The following MROH7 variants were observed in gnomAD, a reference collection of about 807,000 sequenced individuals.
MROH7 encodes maestro heat-like repeat-containing protein family member 7.
Under a neutral mutation model 129.2 loss-of-function variants are expected in MROH7, and 113 were observed. That is an observed-to-expected ratio of 0.87 (90% CI 0.75 to 1.02). The LOEUF is 1.02. Ranked by LOEUF, MROH7 falls within the 50% of genes least tolerant of loss-of-function variation. The pLI is 0.00. For synonymous variants in MROH7, 655 were observed against 667.9 expected (o/e 0.98, Z 0.30); for missense variants, 1,601 against 1,671.3 (o/e 0.96, Z 0.73).
intron 8 of MROH7, 119 bp from the exon 9 acceptor site, chr1:54,673,582 T>C: frequency 2.8e-6 from 2 of 723,958 alleles, no homozygotes; most frequent in South Asian, 3.3e-5. Flanking sequence ...AGGAGGGCTG[T>C]GGTGACCTTT....
At chr1:54,645,390 C>T (rs776123657) in intron 1 of MROH7, among the ~76,000 whole-genome samples, 4 of 151,922 alleles carry the variant, frequency 2.6e-5, no homozygotes, top group Non-Finnish European at 4.4e-5. Flanking sequence ...AGTGATTCTC[C>T]TGCCCAAGCC....
At position 54,678,814 on chromosome 1, in the gene MROH7, AC is replaced by A; in HGVS notation, c.2012del (p.Pro671LeufsTer2). 6.2e-7 allele frequency: 1 copy of A among 1,613,924 alleles called. No homozygotes were observed. The highest frequency in any genetic ancestry group is 8.5e-7 in the Non-Finnish European group (1 of 1,179,952). On this transcript the variant is annotated frameshift_variant, in exon 11 of 24. Coordinates refer to ENST00000421030, the MANE Select transcript of MROH7 (RefSeq NM_001039464.4). LOFTEE classifies it high-confidence loss of function. The part of the protein sequence containing the change: ...ESNKHFLGPY[N>X]PVSPCQNILR... ...AACAAGCATTTCCTGGGGCCCTACA[AC>A]CCTGTGAGCCCGTGCCAGAACATTC...
chr1:54,673,092 C>A lies in MROH7; in HGVS notation c.1601C>A (p.Ala534Asp). 1 of 1,612,580 alleles carries A rather than the reference C, an allele frequency of 6.2e-7. No homozygotes were observed. The highest frequency in any genetic ancestry group is 8.5e-7 in the Non-Finnish European group (1 of 1,178,710). The change falls in exon 8 of 24, where the codon GCT becomes GAT. Residue 534 changes from alanine to aspartate, a missense_variant and splice_region_variant. Physicochemically the swap from Ala to Asp is moderately radical, Grantham distance 126. Transcript: ENST00000421030. ...GCTTGGTCCTCCTCCCATCCACAGG[C>A]TCTTTACCATCAGACCCTGGAGGCC... The part of the protein sequence containing the change: ...KDEAKAETIQ[A>D]LYHQTLEALQ...
chr1:54,699,159 T>TTTCTTTTCTTTCTTTCTTTC (rs71048705), intron 17 of MROH7: 221 of 65,844 alleles, frequency 3.4e-3, no homozygotes, highest in African/African-American at 5.1e-3. Context: ...TCTTTCTTTC[T>TTTCTTTTCTTTCTTTCTTTC]TTTCTTTCTT....
chr1:54,706,953 T>C (rs1325437782), intron 22 of MROH7, among the ~76,000 whole-genome samples: 1 of 152,170 alleles, frequency 6.6e-6, no homozygotes, highest in African/African-American at 2.4e-5. Context: ...CTAACTGGAT[T>C]ATTTACTCCC....
intron 13 of MROH7, among the ~76,000 whole-genome samples, chr1:54,681,814 T>G (rs1645073093): frequency 6.6e-6 from 1 of 152,206 alleles, no homozygotes; most frequent in Non-Finnish European, 1.5e-5. Context: ...GCCTCCACTC[T>G]TGCTCCTTGG....
Position 54,653,997 on chromosome 1 carries a change from G to T in MROH7, c.1071G>T (p.Gln357His). ...CCACCTTGACGCTGAGCAGTCAGCA[G>T]GATGATGCCAAGGACAACAGCATCC... Reference protein sequence around the residue: ...DTSTLTLSSQQDDAKDNSIHT... With the variant: ...DTSTLTLSSQHDDAKDNSIHT... Residue 357 changes from glutamine to histidine, a missense_variant, in exon 3 of 24, where the codon CAG becomes CAT. Coordinates refer to ENST00000421030, the MANE Select transcript of MROH7 (RefSeq NM_001039464.4). 1 of 1,614,238 alleles carries T rather than the reference G, an allele frequency of 6.2e-7. No individual in the cohort carries two copies. The highest frequency in any genetic ancestry group is 8.5e-7 in the Non-Finnish European group (1 of 1,180,042).
In MROH7 at chr1:54,687,872, C is replaced by CT. The variant is rs35990412; in HGVS notation, c.2711+1438dup. Among the ~76,000 whole-genome samples the CT allele has an allele frequency of 3.7e-3, 487 of 130,198 alleles. 1 individual carries two copies. Among genetic ancestry groups the CT allele is most frequent in the African/African-American group, 7.5e-3 (271 of 36,276 alleles). 85.4% of individuals were successfully genotyped at this position (130,198 alleles called of 152,430 possible). A position where few individuals can be genotyped will look rare whatever the true frequency, so the allele number is the denominator to read the frequency against. Reference sequence around the variant, plus strand: ...GACATTGAGTTTGCTTTTTTTCTTTCTTTTTTTTTTTTTTGAGACAGGGTC... The same window carrying CT: ...GACATTGAGTTTGCTTTTTTTCTTTCTTTTTTTTTTTTTTTGAGACAGGGTC... On this transcript the variant is annotated intron_variant, in intron 15 of 23. Coordinates refer to ENST00000421030, the MANE Select transcript of MROH7 (RefSeq NM_001039464.4).
At chr1:54,684,055 A>G (rs879063) in intron 14 of MROH7, among the ~76,000 whole-genome samples, 25,406 of 152,232 alleles carry the variant, frequency 0.17, 2,337 homozygotes, top group East Asian at 0.29. Flanking sequence ...GGCGCATAGT[A>G]AGCACTCAGA....
At position 54,673,574 on chromosome 1, in the gene MROH7, G is replaced by A. The variant is rs1644935252; in HGVS notation, c.1696-127G>A. 4 of 697,434 alleles carry A rather than the reference G, an allele frequency of 5.7e-6. No homozygotes were observed. In the Admixed American group the frequency reaches 9.3e-5, roughly 16 times the overall value. The allele number at this position is 697,434 out of a possible 1,614,324, so 43.2% of individuals were successfully genotyped here. A position where few individuals can be genotyped will look rare whatever the true frequency, so the allele number is the denominator to read the frequency against. ...TCTGCCTATACCCCAAGAAGAGGAGGAGGGCTGTGGTGACCTTTATACCCT... is the reference window on the plus strand; with the variant it reads ...TCTGCCTATACCCCAAGAAGAGGAGAAGGGCTGTGGTGACCTTTATACCCT... On this transcript the variant is annotated intron_variant, in intron 8 of 23. Transcript: ENST00000421030.
chr1:54,651,086 C>G (rs1364946951), intron 1 of MROH7, among the ~76,000 whole-genome samples: 5 of 152,152 alleles, frequency 3.3e-5, no homozygotes, highest in Non-Finnish European at 7.3e-5. Flanking sequence ...CCTGGCCCTT[C>G]CCCCACCACC....
chr1:54,686,139 C>A, intron 14 of MROH7, 119 bp from the exon 15 acceptor site: 2 of 856,752 alleles, frequency 2.3e-6, no homozygotes, highest in South Asian at 2.1e-5. Flanking sequence ...CTTCCCCAGG[C>A]TGGGCCAGAG....
chr1:54,670,711 C>T, intron 6 of MROH7, 89 bp from the exon 7 acceptor site: 1 of 1,538,148 alleles, frequency 6.5e-7, no homozygotes, highest in Non-Finnish European at 8.8e-7. Context: ...CTCCCCTTGC[C>T]CAGTCCCTGT....
chr1:54,700,587 A>G, intron 18 of MROH7, 126 bp downstream of exon 18: 1 of 889,980 alleles, frequency 1.1e-6, no homozygotes, highest in African/African-American at 1.7e-5. Flanking sequence ...TCTTAGCCTC[A>G]GTTGTCCCAT....
chr1:54,690,483 G>A (rs950403665), intron 15 of MROH7, among the ~76,000 whole-genome samples: 14 of 146,334 alleles, frequency 9.6e-5, no homozygotes, highest in South Asian at 4.3e-4. Context: ...TCTCACTGTC[G>A]CCCAGGCTAG....
At chr1:54,709,509 C>T (rs540294036) in intron 23 of MROH7, among the ~76,000 whole-genome samples, 11 of 152,256 alleles carry the variant, frequency 7.2e-5, no homozygotes, top group African/African-American at 1.9e-4. Context: ...TGAGCCACTG[C>T]GCCTGGCCAA....
Position 54,671,205 on chromosome 1 carries a change from G to A in MROH7, c.1599+276G>A, listed in dbSNP as rs575805335. Among the ~76,000 whole-genome samples, 3 of 151,904 alleles carry A rather than the reference G, an allele frequency of 2.0e-5. No homozygotes were observed. In the East Asian group the frequency reaches 5.9e-4, roughly 30 times the overall value. ...GACTGAGACCATCCTGGCTAACACG[G>A]TGAATCCCCGTCTCTACTGAAAATA... On this transcript the variant is annotated intron_variant, in intron 7 of 23. Coordinates refer to ENST00000421030, the MANE Select transcript of MROH7 (RefSeq NM_001039464.4).
chr1:54,707,717 G>A (rs1013317963), intron 22 of MROH7, among the ~76,000 whole-genome samples: 2 of 152,206 alleles, frequency 1.3e-5, no homozygotes, highest in African/African-American at 2.4e-5. Context: ...GAAACATAGT[G>A]AGTAGAGCCT....
Position 54,679,382 on chromosome 1 carries a change from CTCGGAGG to C in MROH7, c.2172_2178del (p.Glu725CysfsTer16). The stretch of plus-strand genomic sequence containing the variant: ...ACTCCAGGGAGATGATGCAGCTGGC[CTCGGAGG>C]TCATGCTCAGCTCGGTGCTGGAGTG... On this transcript the variant is annotated frameshift_variant, in exon 12 of 24. Coordinates refer to ENST00000421030, the MANE Select transcript of MROH7 (RefSeq NM_001039464.4). LOFTEE classifies it high-confidence loss of function. The C allele has an allele frequency of 6.2e-7, 1 of 1,614,120 alleles. No homozygotes were observed. Among genetic ancestry groups the C allele is most frequent in the Non-Finnish European group, 8.5e-7 (1 of 1,180,032 alleles).
Sources: gnomAD v4.1 joint callset for allele counts (sites outside exome capture counted in the v4.1 genomes callset) on GRCh38, gnomAD v4.1.1 for gene constraint, MANE v1.5 for transcripts, NCBI Gene and HGNC (gene_info 2026-07-23, HGNC 2026-07-21) for gene names.